The following FBLN7 variants were observed in gnomAD, a reference collection of about 807,000 sequenced individuals.
The protein encoded by FBLN7 is fibulin-7.
A neutral mutation model predicts 44.0 loss-of-function variants in FBLN7; 31 were observed. The observed-to-expected ratio is 0.70, with a 90% confidence interval of 0.53 to 0.95. FBLN7 has a LOEUF of 0.95. Ranked by LOEUF, FBLN7 falls within the 40% of genes least tolerant of loss-of-function variation. FBLN7 has a pLI of 0.00. For missense variants in FBLN7, 573 were observed against 618.5 expected (o/e 0.93, Z 0.78); for synonymous variants, 262 against 253.4 (o/e 1.03, Z -0.32).
In FBLN7 at chr2:112,182,884, G is replaced by GC; in HGVS notation, c.768dup (p.Gly257ArgfsTer8). ...ACCCCGGGCTCTTACCGTTGCACCT[G>GC]CCCCGGTGGATACCGAACTCTGGCT... On this transcript the variant is annotated frameshift_variant, in exon 6 of 8. Transcript: ENST00000331203. LOFTEE classifies it high-confidence loss of function. 6.2e-7 allele frequency: 1 copy of GC among 1,612,964 alleles called. No individual in the cohort carries two copies.
chr2:112,226,780 A>T, the FBLN7 span, among the ~76,000 whole-genome samples: 1 of 152,052 alleles, frequency 6.6e-6, no homozygotes, highest in Non-Finnish European at 1.5e-5. Flanking sequence ...CTACACATGA[A>T]TATCCCTCAT....
At chr2:112,175,885 AGAG>A in intron 4 of FBLN7, 46 bp downstream of exon 4, 1 of 1,598,242 alleles carries the variant, frequency 6.3e-7, no homozygotes, top group Non-Finnish European at 8.5e-7. Flanking sequence ...TGCTGTGGGG[AGAG>A]GAGGACCCTA....
At chr2:112,173,415 A>T (rs529004770) in intron 3 of FBLN7, among the ~76,000 whole-genome samples, 8 of 152,170 alleles carry the variant, frequency 5.3e-5, no homozygotes, top group African/African-American at 1.9e-4. Context: ...GCAAGGAAAG[A>T]ACAGTTTAGA....
At chr2:112,141,324 T>C (rs1680638138) in intron 1 of FBLN7, among the ~76,000 whole-genome samples, 1 of 152,200 alleles carries the variant, frequency 6.6e-6, no homozygotes, top group Admixed American at 6.5e-5. Context: ...GTCTCTCTTG[T>C]TGGGCTCCAA....
Position 112,138,538 on chromosome 2 carries a change from C to G in FBLN7, c.-118C>G, listed in dbSNP as rs1443172606. 15 of 1,438,654 alleles carry G rather than the reference C, an allele frequency of 1.0e-5. No individual in the cohort carries two copies. The highest frequency in any genetic ancestry group is 1.2e-5 in the Non-Finnish European group (13 of 1,066,472). 89.1% of individuals were successfully genotyped at this position (1,438,654 alleles called of 1,614,324 possible). A position where few individuals can be genotyped will look rare whatever the true frequency, so the allele number is the denominator to read the frequency against. On this transcript the variant is annotated 5_prime_UTR_variant, in exon 1 of 8. Transcript: ENST00000331203. ...CCCGCCTCCCCCCCTGCCCCAGCCG[C>G]CCCCCGGCCGCGCGGCGCCCCGCAC...
At chr2:112,244,562 C>T in the FBLN7 span, among the ~76,000 whole-genome samples, 1 of 152,132 alleles carries the variant, frequency 6.6e-6, no homozygotes. Context: ...TCACAAATAA[C>T]ACATTTCTTT....
chr2:112,172,695 G>A (rs568516334), intron 3 of FBLN7, among the ~76,000 whole-genome samples: 14 of 143,542 alleles, frequency 9.8e-5, no homozygotes, highest in Admixed American at 1.5e-4. Context: ...GAGTAGTGGC[G>A]CGATCTTGGC....
At chr2:112,196,850 G>C in the FBLN7 span, among the ~76,000 whole-genome samples, 3 of 152,190 alleles carry the variant, frequency 2.0e-5, no homozygotes, top group Non-Finnish European at 4.4e-5. Flanking sequence ...AGTTCTGCCT[G>C]GCTGGGGAGG....
At position 112,187,158 on chromosome 2, in the gene FBLN7, C is replaced by T. The variant is rs1573841694; in HGVS notation, c.972C>T (p.Pro324=). 2.5e-6 allele frequency: 4 copies of T among 1,614,110 alleles called. No individual in the cohort carries two copies. In the South Asian group the frequency reaches 3.3e-5, roughly 13 times the overall value. Reference sequence around the variant, plus strand: ...GCCAGTGTGAGCGGAACCCCTGCCCCATGGACAGCAGGCCCTGCCGCCATC... The same window carrying T: ...GCCAGTGTGAGCGGAACCCCTGCCCTATGGACAGCAGGCCCTGCCGCCATC... The part of the protein sequence containing the change: ...SPFQCERNPC[P]MDSRPCRHLP... The change falls in exon 8 of 8, where the codon CCC becomes CCT. Residue 324 remains proline (P), a synonymous_variant. Transcript: ENST00000331203. This position sits in a 1 kb window ranked among gnomAD's most constrained non-coding sequence, Gnocchi z 5.1.
chr2:112,162,925 A>G (rs1681951729), intron 2 of FBLN7, among the ~76,000 whole-genome samples: 1 of 152,224 alleles, frequency 6.6e-6, no homozygotes, highest in Admixed American at 6.5e-5. Flanking sequence ...TGTAAAAAAA[A>G]AGAACTATAA....
At chr2:112,224,751 T>G in the FBLN7 span, among the ~76,000 whole-genome samples, 211 of 152,252 alleles carry the variant, frequency 1.4e-3, no homozygotes, top group African/African-American at 4.8e-3. Context: ...TTATATGAAA[T>G]TCTAGAACAG....
Position 112,159,666 on chromosome 2 carries a change from C to G in FBLN7, c.76-10C>G. ...CAATGGGTGGTGGCGGCGATGTCTT[C>G]TCTCCGCAGAACTGTCTCAGCAAAC... On this transcript the variant is annotated splice_polypyrimidine_tract_variant and intron_variant, in intron 1 of 7. Transcript: ENST00000331203. 6.6e-7 allele frequency: 1 copy of G among 1,516,800 alleles called. No individual in the cohort carries two copies. The highest frequency in any genetic ancestry group is 8.9e-7 in the Non-Finnish European group (1 of 1,125,564). The allele number at this position is 1,516,800 out of a possible 1,614,324, so 94.0% of individuals were successfully genotyped here. A position where few individuals can be genotyped will look rare whatever the true frequency, so the allele number is the denominator to read the frequency against.
chr2:112,160,145 C>G (rs563713929), intron 2 of FBLN7, among the ~76,000 whole-genome samples: 1 of 152,150 alleles, frequency 6.6e-6, no homozygotes, highest in African/African-American at 2.4e-5. Flanking sequence ...CGCCCGCCAC[C>G]ACGCCCGGCT....
At chr2:112,221,404 C>G in the FBLN7 span, among the ~76,000 whole-genome samples, 1 of 152,156 alleles carries the variant, frequency 6.6e-6, no homozygotes, top group Non-Finnish European at 1.5e-5. Flanking sequence ...CACCTTCTGC[C>G]ATGTCTGTAA....
the FBLN7 span, among the ~76,000 whole-genome samples, chr2:112,230,368 T>C: frequency 1.3e-5 from 2 of 152,200 alleles, no homozygotes; most frequent in African/African-American, 4.8e-5. Context: ...GGATAACTTG[T>C]GCACATTCAT....
chr2:112,161,906 C>T (rs997899987), intron 2 of FBLN7, among the ~76,000 whole-genome samples: 4 of 152,236 alleles, frequency 2.6e-5, no homozygotes, highest in African/African-American at 9.6e-5. Context: ...GACAGCCCTG[C>T]AGAGGACAGG....
rs576889225 is a variant in FBLN7 at position 112,140,177 on chromosome 2, G to C, written c.75+1447G>C. ...GTCCCTCCCGCCTCTCTCCAGGCCA[G>C]CGTCCCTCCCGCCTCTCTCCAGGCC... On this transcript the variant is annotated intron_variant, in intron 1 of 7. Transcript: ENST00000331203. Among the ~76,000 whole-genome samples the C allele has an allele frequency of 2.4e-5, 3 of 125,404 alleles. No homozygotes were observed. The East Asian group carries it at 7.0e-4, about 29-fold the overall frequency. The allele number at this position is 125,404 out of a possible 152,430, so 82.3% of individuals were successfully genotyped here.
chr2:112,160,142 C>T (rs561565750), intron 2 of FBLN7, among the ~76,000 whole-genome samples: 93 of 152,256 alleles, frequency 6.1e-4, no homozygotes, highest in South Asian at 4.2e-3. Flanking sequence ...AGGCGCCCGC[C>T]ACCACGCCCG....
the FBLN7 span, among the ~76,000 whole-genome samples, chr2:112,200,637 C>A: frequency 2.0e-5 from 3 of 152,170 alleles, no homozygotes; most frequent in Admixed American, 2.0e-4. Flanking sequence ...CAGATTCAAG[C>A]TATTCTCCTG....
Sources: gnomAD v4.1 joint callset for allele counts (sites outside exome capture counted in the v4.1 genomes callset) on GRCh38, gnomAD v4.1.1 for gene constraint, Gnocchi (gnomAD v3.1) non-coding constraint, MANE v1.5 for transcripts, NCBI Gene and HGNC (gene_info 2026-07-23, HGNC 2026-07-21) for gene names.